The following SMG6 variants were observed in gnomAD, a reference collection of about 807,000 sequenced individuals.
The protein encoded by SMG6 is SMG6 nonsense mediated mRNA decay factor.
Under a neutral mutation model 142.2 loss-of-function variants are expected in SMG6, and 66 were observed. The ratio of observed to expected loss-of-function variants is 0.46; its 90% CI spans 0.38 to 0.57. The LOEUF is 0.57. SMG6 is among the 20% of genes least tolerant of loss of function. The pLI is 0.00. For missense variants in SMG6, 1,793 were observed against 1,832.0 expected, an observed-to-expected ratio of 0.98 and a Z score of 0.39; for synonymous variants, 779 against 702.4, an observed-to-expected ratio of 1.11 and a Z score of -1.72.
intron 10 of SMG6, among the ~76,000 whole-genome samples, chr17:2,224,667 G>A (rs1162773953): frequency 1.1e-4 from 9 of 84,372 alleles, no homozygotes; most frequent in African/African-American, 4.3e-4. Flanking sequence ...AGCATGGGGA[G>A]ATGCAGTCTT....
chr17:2,176,769 C>T (rs780366051), intron 12 of SMG6, among the ~76,000 whole-genome samples: 14 of 152,138 alleles, frequency 9.2e-5, no homozygotes, highest in Non-Finnish European at 2.1e-4. Flanking sequence ...TGGCTGGAGT[C>T]GGAAAGCCAG....
At chr17:2,070,077 T>C (rs906937499) in intron 15 of SMG6, among the ~76,000 whole-genome samples, 4 of 152,202 alleles carry the variant, frequency 2.6e-5, no homozygotes, top group East Asian at 3.8e-4. Flanking sequence ...CCGCCTCCTC[T>C]AGCACCTCTC....
In SMG6 at chr17:2,177,140, C is replaced by T. The variant is rs528719120; in HGVS notation, c.3156-4281G>A. Among the ~76,000 whole-genome samples the T allele has an allele frequency of 5.9e-5, 9 of 152,242 alleles. No homozygotes were observed. The South Asian group carries it at 1.9e-3, about 32-fold the overall frequency. On this transcript the variant is annotated intron_variant, in intron 12 of 18. Coordinates refer to ENST00000263073, the MANE Select transcript of SMG6 (RefSeq NM_017575.5). ...CAAATAGCTGTAGAAAGGCAGCTGA[C>T]GTCCAGGGAACTGAGAAGCCCTGCT...
chr17:2,275,461 T>C (rs2074628944), intron 8 of SMG6, among the ~76,000 whole-genome samples: 1 of 152,008 alleles, frequency 6.6e-6, no homozygotes, highest in Admixed American at 6.6e-5. Flanking sequence ...CAGTCTATCA[T>C]CTATCAACCA....
chr17:2,102,685 T>G (rs1426543612), intron 13 of SMG6, among the ~76,000 whole-genome samples: 1 of 152,024 alleles, frequency 6.6e-6, no homozygotes, highest in Non-Finnish European at 1.5e-5. Context: ...AAAGCAATTT[T>G]AAATGTACAG....
chr17:2,092,848 C>T (rs554005825), intron 13 of SMG6, among the ~76,000 whole-genome samples: 18 of 152,334 alleles, frequency 1.2e-4, no homozygotes, highest in African/African-American at 4.3e-4. Flanking sequence ...TATCCTTAGA[C>T]AAGTTACTTA....
chr17:2,152,586 C>A (rs11650850), intron 13 of SMG6, among the ~76,000 whole-genome samples: 54,920 of 152,024 alleles, frequency 0.36, 10,488 homozygotes, highest in Admixed American at 0.43. Flanking sequence ...GACAAATGAA[C>A]ATATGAAAAG....
At chr17:2,197,490 T>C (rs987763747) in intron 10 of SMG6, among the ~76,000 whole-genome samples, 1 of 151,970 alleles carries the variant, frequency 6.6e-6, no homozygotes, top group Non-Finnish European at 1.5e-5. Flanking sequence ...CACTTGAGCC[T>C]GGGAGGTCAA....
intron 6 of SMG6, among the ~76,000 whole-genome samples, chr17:2,288,775 AC>A (rs1484664558): frequency 2.0e-5 from 3 of 151,722 alleles, no homozygotes; most frequent in Non-Finnish European, 4.4e-5. Flanking sequence ...TACAAAAAAT[AC>A]AAAAATTAGC....
At chr17:2,277,907 G>A (rs921769762) in intron 8 of SMG6, among the ~76,000 whole-genome samples, 2 of 152,070 alleles carry the variant, frequency 1.3e-5, no homozygotes, top group African/African-American at 2.4e-5. Context: ...AATTAGCCAG[G>A]CATGGTGGCG....
chr17:2,118,549 T>G (rs1332949417), intron 13 of SMG6, among the ~76,000 whole-genome samples: 1 of 151,962 alleles, frequency 6.6e-6, no homozygotes, highest in African/African-American at 2.4e-5. Flanking sequence ...AAAAAAAAAT[T>G]TATTTCCAAT....
At chr17:2,213,693 G>A (rs1019320649) in intron 10 of SMG6, 9 of 152,128 alleles carry the variant, frequency 5.9e-5, no homozygotes, top group Non-Finnish European at 1.3e-4. Flanking sequence ...TCCAATGCCA[G>A]GGTAAAACAC....
In SMG6 at chr17:2,299,208, G is replaced by A. The variant is rs1426832182; in HGVS notation, c.1545C>T (p.Gly515=). 17 of 1,613,772 alleles carry A rather than the reference G, an allele frequency of 1.1e-5. No individual in the cohort carries two copies. Among genetic ancestry groups the A allele is most frequent in the Non-Finnish European group, 1.1e-5 (13 of 1,179,844 alleles). The change falls in exon 2 of 19, where the codon GGC becomes GGT. Residue 515 remains glycine (G), a synonymous_variant. Coordinates refer to ENST00000263073, the MANE Select transcript of SMG6 (RefSeq NM_017575.5). This position sits in a 1 kb window ranked among gnomAD's most constrained non-coding sequence, Gnocchi z 4.3. ...DNPYYYPRTP[G]PASQYPYTGY... ...CCGTATAGGGATACTGGGAGGCAGG[G>A]CCTGGTGTCCGGGGGTAATAATAGG...
Position 2,297,905 on chromosome 17 carries a change from G to A in SMG6, c.1998C>T (p.Asn666=). The A allele has an allele frequency of 6.2e-7, 1 of 1,612,708 alleles. No individual in the cohort carries two copies. Among genetic ancestry groups the A allele is most frequent in the Non-Finnish European group, 8.5e-7 (1 of 1,180,024 alleles). ...RQLVKDPNVE[N]PEQIRNRLLE... is the part of the protein sequence containing the mutation. ...AAAGTCTGTTCCGAATCTGTTCTGG[G>A]TTCTCAACATTCGGATCCTTGACAA... Residue 666 remains asparagine, a synonymous_variant, in exon 3 of 19, where the codon AAC becomes AAT. Transcript: ENST00000263073.
rs1306905824 is a variant in SMG6 at position 2,083,013 on chromosome 17, T to G, written c.3535-1057A>C. Among the ~76,000 whole-genome samples the G allele has an allele frequency of 2.0e-5, 3 of 152,170 alleles. No homozygotes were observed. In the East Asian group the frequency reaches 5.8e-4, roughly 29 times the overall value. On this transcript the variant is annotated intron_variant, in intron 14 of 18. Transcript: ENST00000263073. The stretch of plus-strand genomic sequence containing the variant: ...ATCCCTATCTTATAAATGAACAAAC[T>G]GAGGTTTAGAAGTCAACACCTCGCT...
intron 3 of SMG6, 26 bp downstream of exon 3, chr17:2,297,837 C>T: frequency 6.2e-7 from 1 of 1,601,494 alleles, no homozygotes; most frequent in Non-Finnish European, 8.5e-7. Context: ...AGCCTTTATC[C>T]TGAGGACAAA....
intron 10 of SMG6, among the ~76,000 whole-genome samples, chr17:2,211,969 T>C (rs1180635671): frequency 6.6e-6 from 1 of 152,206 alleles, no homozygotes; most frequent in Non-Finnish European, 1.5e-5. Context: ...CCCACAGAGA[T>C]CTGAAAACCT....
intron 13 of SMG6, among the ~76,000 whole-genome samples, chr17:2,164,041 G>A (rs1301547223): frequency 4.1e-5 from 6 of 147,704 alleles, no homozygotes; most frequent in East Asian, 2.0e-4. Context: ...CAGCCTGGGC[G>A]ACAGAGAAAA....
At chr17:2,296,812 G>A (rs113333037) in intron 4 of SMG6, among the ~76,000 whole-genome samples, 39,238 of 151,854 alleles carry the variant, frequency 0.26, 6,540 homozygotes, top group Admixed American at 0.36. Flanking sequence ...TGGGCAACAT[G>A]ATGAAACCCC....
Sources: gnomAD v4.1 joint callset for allele counts (sites outside exome capture counted in the v4.1 genomes callset) on GRCh38, gnomAD v4.1.1 for gene constraint, Gnocchi (gnomAD v3.1) non-coding constraint, MANE v1.5 for transcripts, NCBI Gene and HGNC (gene_info 2026-07-23, HGNC 2026-07-21) for gene names.